NID1: variants seen among roughly 807,000 people sequenced by gnomAD.
The protein encoded by NID1 is nidogen 1.
A neutral mutation model predicts 130.6 loss-of-function variants in NID1; 76 were observed. The ratio of observed to expected loss-of-function variants is 0.58; its 90% CI spans 0.48 to 0.70. The LOEUF is 0.70. NID1 is among the 30% of genes least tolerant of loss of function. NID1 has a pLI of 0.00. For synonymous variants in NID1, 665 were observed against 675.1 expected, an observed-to-expected ratio of 0.98 and a Z score of 0.23; for missense variants, 1,517 against 1,664.8, an observed-to-expected ratio of 0.91 and a Z score of 1.54.
rs1205403219 is a variant in NID1, at chr1:235,977,348, C to G, written c.*519G>C. 6.4e-6 allele frequency: 1 copy of G among 155,738 alleles called. No individual in the cohort carries two copies. Among genetic ancestry groups the G allele is most frequent in the African/African-American group, 2.4e-5 (1 of 41,416 alleles). 9.6% of individuals were successfully genotyped at this position (155,738 alleles called of 1,614,324 possible). ...GGAACTGAGGAGTAAAACTATAGGA[C>G]TATAATAAAGAAGAAATTCAGAGCA... On this transcript the variant is annotated 3_prime_UTR_variant, in exon 20 of 20. Coordinates refer to ENST00000264187, the MANE Select transcript of NID1 (RefSeq NM_002508.3).
rs142173188 is a variant in NID1 at position 236,038,133 on chromosome 1, G to A, written c.1256C>T (p.Thr419Met). The part of the protein sequence containing the change: ...GFCCSCVAGY[T>M]GNGRQCVAEG... ...TGCAACACATTGCCTGCCATTGCCC[G>A]TATAGCCAGCGACACAGCTGCAGCA... The change falls in exon 5 of 20, where the codon ACG (threonine) becomes ATG (methionine). Residue 419 changes from threonine to methionine, a missense_variant. Physicochemically the swap from Thr to Met is moderately conservative, Grantham distance 81. Around this residue, in one of 3 missense-constraint regions of NID1, gnomAD observed 1,329 missense variants for 1,429.2 expected, o/e 0.93. Coordinates refer to ENST00000264187, the MANE Select transcript of NID1 (RefSeq NM_002508.3). 53 of 1,606,084 alleles carry A rather than the reference G, an allele frequency of 3.3e-5. No individual in the cohort carries two copies. Among genetic ancestry groups the A allele is most frequent in the East Asian group, 2.7e-4 (12 of 44,580 alleles).
chr1:236,039,213 T>G (rs1659372828), intron 4 of NID1, among the ~76,000 whole-genome samples: 1 of 147,010 alleles, frequency 6.8e-6, no homozygotes, highest in Non-Finnish European at 1.5e-5. Context: ...CAGTATATAC[T>G]ACATATAATT....
intron 12 of NID1, among the ~76,000 whole-genome samples, chr1:235,995,998 T>A (rs890369301): frequency 6.6e-5 from 10 of 151,890 alleles, no homozygotes; most frequent in African/African-American, 2.4e-4. Context: ...CTATAAAAAA[T>A]AAAAACTTAG....
intron 14 of NID1, among the ~76,000 whole-genome samples, chr1:235,986,440 A>G (rs1392000978): frequency 6.6e-6 from 1 of 152,116 alleles, no homozygotes; most frequent in African/African-American, 2.4e-5. Context: ...CATCAAAAAA[A>G]AAAACCAGAA....
chr1:236,036,687 A>T (rs544798125), intron 5 of NID1, among the ~76,000 whole-genome samples: 1 of 152,308 alleles, frequency 6.6e-6, no homozygotes, highest in African/African-American at 2.4e-5. Context: ...TGAAGAATGA[A>T]TTAATGCAGT....
chr1:235,991,895 C>A (rs1229621503), intron 13 of NID1, among the ~76,000 whole-genome samples: 2 of 152,120 alleles, frequency 1.3e-5, no homozygotes, highest in African/African-American at 4.8e-5. Flanking sequence ...GAGCCTGGGG[C>A]CTGACAAGCA....
intron 9 of NID1, 34 bp downstream of exon 9, chr1:236,024,036 C>T (rs1219424022): frequency 2.5e-6 from 4 of 1,610,230 alleles, no homozygotes; most frequent in Non-Finnish European, 2.5e-6. Flanking sequence ...CGCCTGATTT[C>T]CCAGCCCCAA....
chr1:235,980,437 GC>G (rs1657403693), intron 17 of NID1, 58 bp downstream of exon 17: 5 of 1,573,888 alleles, frequency 3.2e-6, no homozygotes. Flanking sequence ...GCCCTAGTTT[GC>G]CCACCCCTGA....
chr1:236,063,694 A>G (rs1021399036), intron 1 of NID1, among the ~76,000 whole-genome samples: 7 of 152,166 alleles, frequency 4.6e-5, no homozygotes, highest in Non-Finnish European at 1.0e-4. Flanking sequence ...GGCTGAGGCC[A>G]GAGGACAGCT....
Position 236,041,701 on chromosome 1 carries a change from T to C in NID1, c.1135+209A>G, listed in dbSNP as rs561373825. Among the ~76,000 whole-genome samples the C allele has an allele frequency of 7.2e-4, 110 of 152,298 alleles. 1 individual carries two copies. Among genetic ancestry groups the C allele is most frequent in the Non-Finnish European group, 1.4e-3 (96 of 68,022 alleles). On this transcript the variant is annotated intron_variant, in intron 4 of 19. Coordinates refer to ENST00000264187, the MANE Select transcript of NID1 (RefSeq NM_002508.3). ...TCAACAGTCTCCAAAACCATGGTCCTAATCCCAAAAGATCACTGAGCATCT... is the reference window on the plus strand; with the variant it reads ...TCAACAGTCTCCAAAACCATGGTCCCAATCCCAAAAGATCACTGAGCATCT...
chr1:235,983,107 T>TC (rs1488240753), intron 15 of NID1, among the ~76,000 whole-genome samples: 1 of 152,210 alleles, frequency 6.6e-6, no homozygotes. Flanking sequence ...ACTCCTGACC[T>TC]CAAGTGATCC....
intron 7 of NID1, among the ~76,000 whole-genome samples, chr1:236,028,464 C>A (rs139842444): frequency 6.6e-6 from 1 of 152,120 alleles, no homozygotes; most frequent in South Asian, 2.1e-4. Flanking sequence ...GCCGAGACTG[C>A]ACCACTGCAC....
At chr1:236,029,450 G>A in intron 7 of NID1, 100 bp downstream of exon 7, 7 of 1,164,736 alleles carry the variant, frequency 6.0e-6, no homozygotes, top group Admixed American at 4.1e-5. Flanking sequence ...TCCCTCTCCA[G>A]ATCCCAGAGA....
Position 236,038,149 on chromosome 1 carries a change from A to C in NID1, c.1240T>G (p.Cys414Gly), listed in dbSNP as rs1659315846. The C allele has an allele frequency of 1.2e-6, 2 of 1,610,188 alleles. No individual in the cohort carries two copies. Among genetic ancestry groups the C allele is most frequent in the Non-Finnish European group, 1.7e-6 (2 of 1,176,948 alleles). ...CCATTGCCCGTATAGCCAGCGACAC[A>C]GCTGCAGCAGAAGCCCGTGGCGTAG... is the stretch of plus-strand genomic sequence containing the variant. ...RDYATGFCCS[C>G]VAGYTGNGRQ... is the part of the protein sequence containing the mutation. Residue 414 changes from cysteine to glycine, a missense_variant, in exon 5 of 20, where the codon TGT becomes GGT. Around this residue, in one of 3 missense-constraint regions of NID1, gnomAD observed 1,329 missense variants for 1,429.2 expected, o/e 0.93. Transcript: ENST00000264187.
At chr1:236,026,217 C>A in intron 7 of NID1, 76 bp from the exon 8 acceptor site, 1 of 1,569,154 alleles carries the variant, frequency 6.4e-7, no homozygotes. Context: ...GAAGCTGAAT[C>A]AACGGCTTTC....
At chr1:236,010,626 G>A (rs578200103) in intron 12 of NID1, among the ~76,000 whole-genome samples, 2 of 152,310 alleles carry the variant, frequency 1.3e-5, no homozygotes, top group East Asian at 3.9e-4. Flanking sequence ...GCTGTGCAGA[G>A]CTTACAGTCT....
At chr1:236,060,052 A>T (rs1659997586) in intron 1 of NID1, among the ~76,000 whole-genome samples, 1 of 150,254 alleles carries the variant, frequency 6.7e-6, no homozygotes, top group South Asian at 2.1e-4. Context: ...GTGAGCCGAC[A>T]TCGTGCCACT....
chr1:236,060,048 C>T (rs1401784121), intron 1 of NID1, among the ~76,000 whole-genome samples: 2 of 148,302 alleles, frequency 1.3e-5, no homozygotes, highest in Non-Finnish European at 3.0e-5. Flanking sequence ...TGCAGTGAGC[C>T]GACATCGTGC....
chr1:236,004,720 C>T (rs565470145), intron 12 of NID1, among the ~76,000 whole-genome samples: 34 of 138,988 alleles, frequency 2.4e-4, no homozygotes, highest in Non-Finnish European at 3.8e-4. Context: ...CGAGATCATG[C>T]CACTGCACTC....
Sources: gnomAD v4.1 joint callset for allele counts (sites outside exome capture counted in the v4.1 genomes callset) on GRCh38, gnomAD v4.1.1 for gene constraint, gnomAD v4.1.1 regional missense constraint, MANE v1.5 for transcripts, NCBI Gene and HGNC (gene_info 2026-07-23, HGNC 2026-07-21) for gene names.